FRMD4B: variants seen among roughly 807,000 people sequenced by gnomAD.
The protein encoded by FRMD4B is FERM domain containing 4B.
A neutral mutation model predicts 141.5 loss-of-function variants in FRMD4B; 74 were observed. The ratio of observed to expected loss-of-function variants is 0.52; its 90% confidence interval spans 0.43 to 0.63. The LOEUF (loss-of-function observed/expected upper bound fraction) is 0.63. Among genes scored for constraint, FRMD4B ranks in the 30% least tolerant of loss-of-function variants. FRMD4B has a pLI of 0.00. For missense variants in FRMD4B, 1,366 were observed against 1,253.4 expected (o/e 1.09, Z -1.36); for synonymous variants, 506 against 467.9 (o/e 1.08, Z -1.05).
At chr3:69,385,372 T>C (rs1456217872) in intron 1 of FRMD4B, among the ~76,000 whole-genome samples, 4 of 152,098 alleles carry the variant, frequency 2.6e-5, no homozygotes, top group African/African-American at 9.7e-5. Context: ...GGCTGCCTGA[T>C]GGAAAACTGA....
intron 1 of FRMD4B, among the ~76,000 whole-genome samples, chr3:69,524,064 C>A (rs770541532): frequency 2.6e-5 from 4 of 152,174 alleles, no homozygotes; most frequent in Non-Finnish European, 1.5e-5. Context: ...TGCTCATTTA[C>A]CATAGATGAC....
chr3:69,399,506 T>C (rs1306363619), intron 2 of FRMD4B, among the ~76,000 whole-genome samples: 1 of 152,226 alleles, frequency 6.6e-6, no homozygotes, highest in Non-Finnish European at 1.5e-5. Context: ...CAAGTCACAT[T>C]ATGAGATCTG....
rs1351640788 is a variant in FRMD4B, at chr3:69,267,673, AGAGAGAGAGAGAGAGAGT to A, written c.502-17592_502-17575del. Among the ~76,000 whole-genome samples the A allele has an allele frequency of 3.1e-3, 268 of 87,830 alleles. 1 individual carries two copies. The highest frequency in any genetic ancestry group is 0.018 in the East Asian group (49 of 2,714). The allele number at this position is 87,830 out of a possible 152,430, so 57.6% of individuals were successfully genotyped here. ...GAGAGAGAGAGAGAGAGAGAGAGAG[AGAGAGAGAGAGAGAGAGT>A]GTCTGTCTGTCCCCCCAGTCTATCT... On this transcript the variant is annotated intron_variant, in intron 5 of 22. Transcript: ENST00000398540.
At chr3:69,374,294 C>T (rs1388781879) in intron 1 of FRMD4B, among the ~76,000 whole-genome samples, 1 of 152,062 alleles carries the variant, frequency 6.6e-6, no homozygotes, top group Non-Finnish European at 1.5e-5. Context: ...GTCGTATAGC[C>T]GATAAGTGAT....
intron 1 of FRMD4B, among the ~76,000 whole-genome samples, chr3:69,455,282 G>A (rs1009068427): frequency 2.0e-5 from 3 of 152,214 alleles, no homozygotes; most frequent in African/African-American, 7.2e-5. Flanking sequence ...ATAGGTTCAG[G>A]TCTGTTTACA....
intron 7 of FRMD4B, among the ~76,000 whole-genome samples, chr3:69,246,167 G>A (rs1210574212): frequency 1.3e-5 from 2 of 152,114 alleles, no homozygotes; most frequent in Non-Finnish European, 2.9e-5. Flanking sequence ...GAAGAGTTTT[G>A]TAACAAGGCA....
At chr3:69,389,723 G>A (rs1234006163), upstream of FRMD4B, among the ~76,000 whole-genome samples, 1 of 152,106 alleles carries the variant, frequency 6.6e-6, no homozygotes, top group Non-Finnish European at 1.5e-5. Context: ...GCAGTGGGTG[G>A]CAACTGAACC....
chr3:69,251,359 A>G (rs570682788), intron 5 of FRMD4B, among the ~76,000 whole-genome samples: 1 of 152,236 alleles, frequency 6.6e-6, no homozygotes, highest in Non-Finnish European at 1.5e-5. Context: ...AATATACAAT[A>G]GACAGGTTCA....
chr3:69,227,842 T>A (rs922211888), intron 7 of FRMD4B, among the ~76,000 whole-genome samples: 14 of 152,066 alleles, frequency 9.2e-5, no homozygotes, highest in African/African-American at 3.4e-4. Context: ...TGAACCCTAA[T>A]TTGACTATAG....
At chr3:69,372,660 G>A (rs983629484) in intron 1 of FRMD4B, among the ~76,000 whole-genome samples, 5 of 150,376 alleles carry the variant, frequency 3.3e-5, no homozygotes, top group South Asian at 2.1e-4. Context: ...GCAGGACTCC[G>A]TCTCAAAAAC....
intron 1 of FRMD4B, among the ~76,000 whole-genome samples, chr3:69,445,818 G>A (rs2106874522): frequency 6.6e-6 from 1 of 152,228 alleles, no homozygotes; most frequent in East Asian, 1.9e-4. Flanking sequence ...AGCTACGTTT[G>A]TGTTATTCTC....
intron 1 of FRMD4B, among the ~76,000 whole-genome samples, chr3:69,328,151 C>T (rs1702245539): frequency 6.6e-6 from 1 of 152,174 alleles, no homozygotes. Context: ...AGCCCACTGT[C>T]CCATTTTCAA....
intron 5 of FRMD4B, among the ~76,000 whole-genome samples, chr3:69,267,618 T>G (rs1195586536): frequency 5.3e-5 from 3 of 56,668 alleles, no homozygotes; most frequent in Non-Finnish European, 7.2e-5. Context: ...TATATATATA[T>G]ATATATATAT....
At chr3:69,506,245 G>T (rs1363718486) in intron 1 of FRMD4B, among the ~76,000 whole-genome samples, 2 of 152,096 alleles carry the variant, frequency 1.3e-5, no homozygotes, top group Non-Finnish European at 1.5e-5. Flanking sequence ...AGAACAACAC[G>T]CATTTATGTT....
At chr3:69,518,488 T>C (rs1231981128) in intron 1 of FRMD4B, among the ~76,000 whole-genome samples, 1 of 152,158 alleles carries the variant, frequency 6.6e-6, no homozygotes, top group Non-Finnish European at 1.5e-5. Context: ...TAGTAAATGT[T>C]AGAATAGAGA....
At position 69,445,434 on chromosome 3, in the gene FRMD4B, C is replaced by T. The variant is rs148131682; in HGVS notation, c.-128-12673G>A. 3.5e-3 allele frequency among the ~76,000 whole-genome samples: 528 copies of T among 152,358 alleles called. 4 individuals are homozygous for T. Among genetic ancestry groups the T allele is most frequent in the African/African-American group, 0.012 (494 of 41,578 alleles). ...AAGAAAGATTCCTGCCAAACCTTGG[C>T]TGCTCAGGCCATAAACCTGTATATT... On this transcript the variant is annotated intron_variant, in intron 1 of 5. Coordinates refer to the FRMD4B transcript ENST00000459638.
In FRMD4B at chr3:69,340,255, T is replaced by C. The variant is rs565687385; in HGVS notation, c.163-26738A>G. 5.3e-5 allele frequency among the ~76,000 whole-genome samples: 8 copies of C among 152,326 alleles called. 1 individual carries two copies. In the South Asian group the frequency reaches 1.7e-3, roughly 32 times the overall value. On this transcript the variant is annotated intron_variant, in intron 1 of 22. Coordinates refer to ENST00000398540, the MANE Select transcript of FRMD4B (RefSeq NM_015123.3). Reference sequence around the variant, plus strand: ...TGGGGGTTTGGTGTACAGATGATTTTGTCACACAGGTGCTAAGCATAGTAC... The same window carrying C: ...TGGGGGTTTGGTGTACAGATGATTTCGTCACACAGGTGCTAAGCATAGTAC...
rs376519779 is a variant in FRMD4B at position 69,351,433 on chromosome 3, T to C, written c.162+34395A>G. 2.0e-5 allele frequency among the ~76,000 whole-genome samples: 3 copies of C among 152,314 alleles called. No homozygotes were observed. In the East Asian group the frequency reaches 5.8e-4, roughly 29 times the overall value. ...ATTTTTGAAACAAAGAGAAAGTGTT[T>C]TAGTATGGTTTTACCTAGCACTATA... is the stretch of plus-strand genomic sequence containing the variant. On this transcript the variant is annotated intron_variant, in intron 1 of 22. Coordinates refer to ENST00000398540, the MANE Select transcript of FRMD4B (RefSeq NM_015123.3).
intron 11 of FRMD4B, among the ~76,000 whole-genome samples, chr3:69,199,869 G>A (rs1049541855): frequency 2.0e-5 from 3 of 152,194 alleles, no homozygotes; most frequent in African/African-American, 4.8e-5. Context: ...TTTCTGGGCT[G>A]CTTCCTAAGC....
Sources: allele counts gnomAD v4.1 joint callset (sites outside exome capture counted in the v4.1 genomes callset), GRCh38; gene constraint gnomAD v4.1.1; transcripts MANE v1.5; gene names NCBI Gene and HGNC (gene_info 2026-07-23, HGNC 2026-07-21).